Variants in XKR9 observed in about 807,000 individuals in gnomAD.
The protein encoded by XKR9 is XK-related protein 9.
XKR9 carries 32 observed loss-of-function variants against 32.0 expected under a neutral mutation model. That is an observed-to-expected ratio of 1.00 (90% CI 0.76 to 1.34). The LOEUF (loss-of-function observed/expected upper bound fraction) is 1.34, where lower values mean the gene tolerates loss of function less well. Ranked by LOEUF, XKR9 falls within the 40% of genes most tolerant of loss-of-function variation. The probability of loss-of-function intolerance (pLI) is 0.00; values close to 1 mark genes in which losing one functional copy is unlikely to be tolerated. For synonymous variants in XKR9, 168 were observed against 143.4 expected (o/e 1.17, Z -1.22); for missense variants, 546 against 429.7 (o/e 1.27, Z -2.39).
chr8:70,892,804 G>A, the XKR9 span, among the ~76,000 whole-genome samples: 3 of 152,112 alleles, frequency 2.0e-5, no homozygotes, highest in Admixed American at 6.6e-5. Flanking sequence ...TGACTATAAT[G>A]TAATTCAAGG....
intron 2 of XKR9, among the ~76,000 whole-genome samples, chr8:70,757,261 TG>T (rs1247095715): frequency 6.6e-6 from 1 of 152,176 alleles, no homozygotes; most frequent in Non-Finnish European, 1.5e-5. Context: ...GTGCATTTAA[TG>T]GTGTCCCATA....
chr8:70,796,055 A>ATTT, the XKR9 span, among the ~76,000 whole-genome samples: 1 of 142,958 alleles, frequency 7.0e-6, no homozygotes, highest in Non-Finnish European at 1.5e-5. Context: ...TGAGATTTTG[A>ATTT]TTTTTTTTTT....
chr8:70,915,021 G>A, the XKR9 span, among the ~76,000 whole-genome samples: 1 of 151,990 alleles, frequency 6.6e-6, no homozygotes, highest in African/African-American at 2.4e-5. Flanking sequence ...GGTGAGCAGG[G>A]GGCTAGGGAA....
intron 2 of XKR9, among the ~76,000 whole-genome samples, chr8:70,776,113 C>T (rs1217071327): frequency 6.6e-6 from 1 of 152,048 alleles, no homozygotes; most frequent in Non-Finnish European, 1.5e-5. Flanking sequence ...TTCACAAAAT[C>T]AGTTGAGAAA....
chr8:70,857,222 A>G, the XKR9 span, among the ~76,000 whole-genome samples: 54 of 152,198 alleles, frequency 3.5e-4, no homozygotes, highest in East Asian at 8.9e-3. Flanking sequence ...TTGATAGACC[A>G]CTAGCAAGAC....
chr8:70,902,519 G>T, the XKR9 span, among the ~76,000 whole-genome samples: 15 of 152,214 alleles, frequency 9.9e-5, no homozygotes, highest in Admixed American at 8.5e-4. Context: ...CTGAGACTTT[G>T]CTGAAGTTGC....
At chr8:70,924,040 T>G in the XKR9 span, among the ~76,000 whole-genome samples, 1 of 152,222 alleles carries the variant, frequency 6.6e-6, no homozygotes, top group Non-Finnish European at 1.5e-5. Flanking sequence ...TTACAGCATC[T>G]GCTAATTTCC....
intron 2 of XKR9, among the ~76,000 whole-genome samples, chr8:70,760,961 G>A (rs1807300819): frequency 6.6e-6 from 1 of 152,166 alleles, no homozygotes. Flanking sequence ...AGAACATGCA[G>A]TATTTGGTTT....
chr8:71,012,615 A>G, the XKR9 span, among the ~76,000 whole-genome samples: 1 of 152,160 alleles, frequency 6.6e-6, no homozygotes, highest in Non-Finnish European at 1.5e-5. Flanking sequence ...ACCAACTACT[A>G]TCTTTCATTG....
At chr8:70,780,158 A>G (rs1017229826) in intron 2 of XKR9, among the ~76,000 whole-genome samples, 1 of 151,672 alleles carries the variant, frequency 6.6e-6, no homozygotes. Context: ...TTTTTTATCT[A>G]AAGGTTTTTC....
At chr8:70,765,532 A>G (rs751612301) in intron 2 of XKR9, among the ~76,000 whole-genome samples, 1 of 152,162 alleles carries the variant, frequency 6.6e-6, no homozygotes, top group Non-Finnish European at 1.5e-5. Context: ...TTGCCTGTTT[A>G]CTATGATGAT....
intron 4 of XKR9, among the ~76,000 whole-genome samples, chr8:70,727,504 G>A (rs1447426207): frequency 3.9e-5 from 6 of 151,930 alleles, no homozygotes; most frequent in South Asian, 2.1e-4. Context: ...GGATTCAGTC[G>A]ATTCTTCTTC....
At chr8:70,689,443 A>T (rs1819430109) in intron 3 of XKR9, among the ~76,000 whole-genome samples, 1 of 146,642 alleles carries the variant, frequency 6.8e-6, no homozygotes, top group Non-Finnish European at 1.5e-5. Flanking sequence ...CCATATTGCA[A>T]ATATATATAT....
rs1407760686 is a variant in XKR9, at chr8:70,669,373, A to C, written c.-526A>C. ...GTGACGCCGCGCGGGCTGCGCGGGC[A>C]GTGGTGGGAAGGCTGGCGCGAGGCG... On this transcript the variant is annotated 5_prime_UTR_variant, in exon 1 of 5. Coordinates refer to ENST00000408926, the MANE Select transcript of XKR9 (RefSeq NM_001011720.2). The C allele has an allele frequency of 1.7e-5, 8 of 474,696 alleles. No homozygotes were observed. The highest frequency in any genetic ancestry group is 2.6e-5 in the Non-Finnish European group (7 of 266,972). 29.4% of individuals were successfully genotyped at this position (474,696 alleles called of 1,614,324 possible).
At chr8:70,958,147 C>A in the XKR9 span, among the ~76,000 whole-genome samples, 1 of 152,094 alleles carries the variant, frequency 6.6e-6, no homozygotes, top group Non-Finnish European at 1.5e-5. Flanking sequence ...TTGTGAATAG[C>A]GTTGCAATGA....
the XKR9 span, among the ~76,000 whole-genome samples, chr8:70,800,573 C>G: frequency 6.6e-6 from 1 of 152,104 alleles, no homozygotes. Flanking sequence ...GAAACCTTTG[C>G]CTCCTGGGCT....
At chr8:70,788,276 A>G (rs542024574) in intron 2 of XKR9, among the ~76,000 whole-genome samples, 36 of 152,184 alleles carry the variant, frequency 2.4e-4, no homozygotes, top group African/African-American at 8.4e-4. Flanking sequence ...ATTAAGTGTT[A>G]GTTGTTAGCT....
the XKR9 span, among the ~76,000 whole-genome samples, chr8:70,941,306 C>CT: frequency 6.6e-6 from 1 of 151,964 alleles, no homozygotes; most frequent in Admixed American, 6.6e-5. Flanking sequence ...ACCTTAATTT[C>CT]TTTTTTATGG....
At chr8:70,883,404 T>C in the XKR9 span, among the ~76,000 whole-genome samples, 1 of 152,150 alleles carries the variant, frequency 6.6e-6, no homozygotes, top group East Asian at 1.9e-4. Flanking sequence ...GTTGGTTTCA[T>C]ATCTTTGCAA....
Sources: gnomAD v4.1 joint callset for allele counts (sites outside exome capture counted in the v4.1 genomes callset) on GRCh38, gnomAD v4.1.1 for gene constraint, MANE v1.5 for transcripts, NCBI Gene and HGNC (gene_info 2026-07-23, HGNC 2026-07-21) for gene names.